Variants in CPNE9 observed in about 807,000 individuals in gnomAD.
CPNE9 encodes the protein copine family member 9.
In CPNE9, 59 loss-of-function variants were observed where a neutral mutation model predicts 83.0. The ratio of observed to expected loss-of-function variants is 0.71; its 90% CI spans 0.58 to 0.88. The LOEUF is 0.88. Ranked by LOEUF, CPNE9 falls within the 40% of genes least tolerant of loss-of-function variation. The pLI is 0.00. For synonymous variants in CPNE9, 256 were observed against 273.4 expected (o/e 0.94, Z 0.63); for missense variants, 619 against 720.8 (o/e 0.86, Z 1.62).
intron 17 of CPNE9, among the ~76,000 whole-genome samples, chr3:9,723,232 G>A (rs1392025773): frequency 3.3e-5 from 5 of 152,202 alleles, no homozygotes; most frequent in Non-Finnish European, 7.3e-5. Flanking sequence ...AGCACTTTGG[G>A]AGGCCGAGGC....
intron 7 of CPNE9, among the ~76,000 whole-genome samples, chr3:9,708,930 G>A (rs983562237): frequency 2.7e-5 from 4 of 147,282 alleles, no homozygotes; most frequent in East Asian, 2.3e-4. Flanking sequence ...CACCGCACCC[G>A]GCCCAAGTCA....
chr3:9,705,566 C>T, intron 5 of CPNE9, 66 bp downstream of exon 5: 1 of 1,576,874 alleles, frequency 6.3e-7, no homozygotes, highest in South Asian at 1.1e-5. Context: ...TTCAACGACT[C>T]TCAGAACTCC....
chr3:9,720,813 G>A (rs538113840), intron 17 of CPNE9, among the ~76,000 whole-genome samples: 61 of 152,226 alleles, frequency 4.0e-4, no homozygotes, highest in African/African-American at 1.4e-3. Flanking sequence ...CAGTAAAGGG[G>A]CAATGCACCA....
At chr3:9,709,591 A>G (rs2076603888) in intron 7 of CPNE9, among the ~76,000 whole-genome samples, 1 of 150,148 alleles carries the variant, frequency 6.7e-6, no homozygotes. Context: ...GCTGGTCTTG[A>G]ACGCCTTACC....
chr3:9,707,372 A>AT (rs2076575293), intron 7 of CPNE9, among the ~76,000 whole-genome samples: 2 of 150,752 alleles, frequency 1.3e-5, no homozygotes, highest in African/African-American at 4.9e-5. Flanking sequence ...AAAAAAAAAA[A>AT]AAAGAATAAA....
intron 17 of CPNE9, among the ~76,000 whole-genome samples, chr3:9,725,063 C>T (rs2076765497): frequency 6.6e-6 from 1 of 152,058 alleles, no homozygotes; most frequent in Non-Finnish European, 1.5e-5. Context: ...GGCCAGGATC[C>T]CCTCTGGTAC....
At position 9,704,846 on chromosome 3, in the gene CPNE9, T is replaced by C. The variant is rs2076544729; in HGVS notation, c.157-45T>C. On this transcript the variant is annotated intron_variant, in intron 3 of 20. Coordinates refer to ENST00000383832, the MANE Select transcript of CPNE9 (RefSeq NM_153635.3). This position sits in a 1 kb window ranked among gnomAD's most constrained non-coding sequence, Gnocchi z 7.1. ...CCAGGGCGTCGCCCGGGAATTCCCC[T>C]GCCCGTCTGCACGTCCCACGCTGAC... The C allele has an allele frequency of 4.4e-6, 7 of 1,600,968 alleles. No homozygotes were observed. Among genetic ancestry groups the C allele is most frequent in the Non-Finnish European group, 5.1e-6 (6 of 1,171,858 alleles).
At chr3:9,718,870 C>T (rs1301629876) in intron 17 of CPNE9, among the ~76,000 whole-genome samples, 13 of 139,872 alleles carry the variant, frequency 9.3e-5, no homozygotes, top group Non-Finnish European at 3.0e-5. Context: ...CAGAGTCTTG[C>T]TCTGTTGCCA....
intron 17 of CPNE9, among the ~76,000 whole-genome samples, chr3:9,723,098 G>A (rs576046522): frequency 6.6e-6 from 1 of 152,334 alleles, no homozygotes; most frequent in South Asian, 2.1e-4. Context: ...TTTATGAAAT[G>A]AGTAAGTGAC....
intron 7 of CPNE9, among the ~76,000 whole-genome samples, chr3:9,710,887 A>C (rs998254310): frequency 1.3e-5 from 2 of 152,064 alleles, no homozygotes; most frequent in Admixed American, 1.3e-4. Flanking sequence ...AAAATTAGCC[A>C]GGTGTAGTGT....
chr3:9,709,257 C>T (rs1575118142), intron 7 of CPNE9, among the ~76,000 whole-genome samples: 1 of 126,604 alleles, frequency 7.9e-6, no homozygotes, highest in Non-Finnish European at 1.6e-5. Flanking sequence ...GCCTGGGCAA[C>T]AGAGGGAGAC....
intron 20 of CPNE9, among the ~76,000 whole-genome samples, chr3:9,728,201 G>A (rs533911660): frequency 4.6e-5 from 7 of 152,228 alleles, no homozygotes; most frequent in Admixed American, 6.5e-5. Context: ...AGAGGTCAGG[G>A]ATGGGCCCAA....
chr3:9,729,759 G>T lies in CPNE9; in HGVS notation c.*67G>T. 1 of 1,517,538 alleles carries T rather than the reference G, an allele frequency of 6.6e-7. No homozygotes were observed. 94.0% of individuals were successfully genotyped at this position (1,517,538 alleles called of 1,614,324 possible). On this transcript the variant is annotated 3_prime_UTR_variant, in exon 21 of 21. Transcript: ENST00000383832. ...CACCCACTGCTTCTGCTTTAAGCCA[G>T]AGGCACCTGGAACCCTGGACTTCAC...
chr3:9,705,031 C>A, intron 4 of CPNE9, 37 bp downstream of exon 4: 1 of 1,481,432 alleles, frequency 6.8e-7, no homozygotes, highest in East Asian at 2.4e-5. Flanking sequence ...TGGCCCGCCC[C>A]CGACCTGGAT....
chr3:9,721,275 C>G (rs370774969), intron 17 of CPNE9, among the ~76,000 whole-genome samples: 2 of 152,186 alleles, frequency 1.3e-5, no homozygotes, highest in Admixed American at 1.3e-4. Context: ...CAAAGGCAAG[C>G]GACAGCGTCC....
chr3:9,714,162 T>C (rs2125466371), intron 10 of CPNE9, among the ~76,000 whole-genome samples: 1 of 152,296 alleles, frequency 6.6e-6, no homozygotes, highest in South Asian at 2.1e-4. Context: ...AGATGAATGG[T>C]TATGCTGATG....
intron 19 of CPNE9, 121 bp downstream of exon 19, chr3:9,726,843 G>A (rs2076789198): frequency 2.2e-6 from 2 of 920,078 alleles, no homozygotes; most frequent in Non-Finnish European, 3.5e-6. Context: ...TGAAGCCTTG[G>A]TCAAGTCACA....
rs2125479257 is a variant in CPNE9, at chr3:9,729,793, C to A, written c.*101C>A. The A allele has an allele frequency of 3.4e-6, 5 of 1,451,826 alleles. No homozygotes were observed. The highest frequency in any genetic ancestry group is 4.6e-6 in the Non-Finnish European group (5 of 1,097,434). The allele number at this position is 1,451,826 out of a possible 1,614,324, so 89.9% of individuals were successfully genotyped here. A position where few individuals can be genotyped will look rare whatever the true frequency, so the allele number is the denominator to read the frequency against. ...GGAACCCTGGACTTCACTGGGAGGG[C>A]CAACTTGGAGGATCAGTGCTGGCTG... On this transcript the variant is annotated 3_prime_UTR_variant, in exon 21 of 21. Transcript: ENST00000383832.
chr3:9,705,625 C>T, intron 5 of CPNE9, 93 bp from the exon 6 acceptor site: 1 of 1,571,894 alleles, frequency 6.4e-7, no homozygotes, highest in South Asian at 1.1e-5. Context: ...CCAACCCACC[C>T]TCCTGGTCCC....
Sources: gnomAD v4.1 joint callset for allele counts (sites outside exome capture counted in the v4.1 genomes callset) on GRCh38, gnomAD v4.1.1 for gene constraint, Gnocchi (gnomAD v3.1) non-coding constraint, MANE v1.5 for transcripts, NCBI Gene and HGNC (gene_info 2026-07-23, HGNC 2026-07-21) for gene names.